The following PLPPR1 variants were observed in gnomAD, a reference collection of about 807,000 sequenced individuals.
The protein encoded by PLPPR1 is phospholipid phosphatase related 1, also known as phospholipid phosphatase-related protein type 1.
A neutral mutation model predicts 33.1 loss-of-function variants in PLPPR1; 10 were observed. That is an observed-to-expected ratio of 0.30 (90% CI 0.19 to 0.51). PLPPR1 has a LOEUF of 0.51. Among genes scored for constraint, PLPPR1 ranks in the 20% least tolerant of loss-of-function variants. The pLI, the probability that PLPPR1 is intolerant of heterozygous loss-of-function variation, is 0.97. For missense variants in PLPPR1, 304 were observed against 408.1 expected (o/e 0.74, Z 2.20); for synonymous variants, 151 against 151.0 (o/e 1.00, Z 0.00).
intron 4 of PLPPR1, among the ~76,000 whole-genome samples, chr9:101,295,125 A>G (rs1249224694): frequency 2.0e-5 from 3 of 151,876 alleles, no homozygotes; most frequent in Non-Finnish European, 2.9e-5. Context: ...AAATCAATGT[A>G]CAAAAATCAC....
chr9:101,236,536 T>TCACACA (rs60508436), intron 2 of PLPPR1, among the ~76,000 whole-genome samples: 7,513 of 148,656 alleles, frequency 0.051, 376 homozygotes, highest in African/African-American at 0.13. Context: ...CTCTCTAAAC[T>TCACACA]CACACACACA....
chr9:101,284,221 G>C (rs1179237313), intron 3 of PLPPR1, among the ~76,000 whole-genome samples: 1 of 152,128 alleles, frequency 6.6e-6, no homozygotes, highest in Non-Finnish European at 1.5e-5. Context: ...CAATAGCCAA[G>C]ATATGGAATC....
chr9:101,217,806 T>C (rs1826833695), intron 2 of PLPPR1, among the ~76,000 whole-genome samples: 1 of 152,118 alleles, frequency 6.6e-6, no homozygotes, highest in Non-Finnish European at 1.5e-5. Context: ...TCTTAAACAA[T>C]TGCCTATTAA....
At chr9:101,040,332 T>G (rs1830061371) in intron 1 of PLPPR1, among the ~76,000 whole-genome samples, 1 of 152,200 alleles carries the variant, frequency 6.6e-6, no homozygotes, top group African/African-American at 2.4e-5. Context: ...GTGTGAATGT[T>G]AAGAATCCCA....
At chr9:101,053,344 C>A (rs1427774479) in intron 1 of PLPPR1, among the ~76,000 whole-genome samples, 1 of 152,186 alleles carries the variant, frequency 6.6e-6, no homozygotes, top group African/African-American at 2.4e-5. Context: ...TCATACTTCT[C>A]CATTCCCATC....
intron 1 of PLPPR1, among the ~76,000 whole-genome samples, chr9:101,109,269 C>A (rs544839145): frequency 6.6e-6 from 1 of 151,544 alleles, no homozygotes; most frequent in Non-Finnish European, 1.5e-5. Flanking sequence ...CCACCGCGCC[C>A]GACTGGTCCT....
At chr9:101,098,123 G>A (rs1830844059) in intron 1 of PLPPR1, among the ~76,000 whole-genome samples, 1 of 152,066 alleles carries the variant, frequency 6.6e-6, no homozygotes, top group Admixed American at 6.6e-5. Flanking sequence ...ATATCACTCT[G>A]GAGGCCGAGT....
chr9:101,250,073 A>C (rs1027260285), intron 2 of PLPPR1, among the ~76,000 whole-genome samples: 1 of 152,056 alleles, frequency 6.6e-6, no homozygotes, highest in Non-Finnish European at 1.5e-5. Flanking sequence ...ATGTTTTTTA[A>C]ATGACTGCAT....
chr9:101,307,067 G>T (rs375904779), intron 4 of PLPPR1, among the ~76,000 whole-genome samples: 1 of 152,346 alleles, frequency 6.6e-6, no homozygotes, highest in East Asian at 1.9e-4. Context: ...CCTGAAGCTG[G>T]ATCAAATGCA....
intron 1 of PLPPR1, among the ~76,000 whole-genome samples, chr9:101,124,338 T>C (rs1831218000): frequency 6.6e-6 from 1 of 152,170 alleles, no homozygotes; most frequent in African/African-American, 2.4e-5. Context: ...CCTGCCTAAC[T>C]GTTCAGTTCT....
chr9:101,179,564 A>G (rs1826068025), intron 1 of PLPPR1, among the ~76,000 whole-genome samples: 2 of 152,080 alleles, frequency 1.3e-5, no homozygotes, highest in South Asian at 2.1e-4. Context: ...AACTTTATGT[A>G]TTTGGGTTGG....
At chr9:101,180,274 C>A (rs13293148) in intron 1 of PLPPR1, among the ~76,000 whole-genome samples, 55,052 of 148,512 alleles carry the variant, frequency 0.37, 10,773 homozygotes, top group Non-Finnish European at 0.42. Flanking sequence ...CTGGAAAACC[C>A]TGATTAATAC....
chr9:101,229,473 T>G, intron 2 of PLPPR1, among the ~76,000 whole-genome samples: 1 of 152,172 alleles, frequency 6.6e-6, no homozygotes, highest in Non-Finnish European at 1.5e-5. Context: ...TCATCAAATG[T>G]TTAATCATTC....
At chr9:101,287,538 C>T (rs1828414634) in intron 4 of PLPPR1, among the ~76,000 whole-genome samples, 2 of 152,216 alleles carry the variant, frequency 1.3e-5, no homozygotes, top group South Asian at 2.1e-4. Context: ...GTCTTGCTCT[C>T]TCCCCAGGCT....
At chr9:101,188,612 T>C (rs1826244354) in intron 2 of PLPPR1, among the ~76,000 whole-genome samples, 1 of 152,150 alleles carries the variant, frequency 6.6e-6, no homozygotes, top group African/African-American at 2.4e-5. Context: ...TGTTTTACTA[T>C]TGAATTATGA....
At chr9:101,210,798 CG>C (rs1350534480) in intron 2 of PLPPR1, among the ~76,000 whole-genome samples, 11 of 152,162 alleles carry the variant, frequency 7.2e-5, no homozygotes, top group African/African-American at 2.2e-4. Context: ...GACGGAGTCT[CG>C]CTCTGTCGCC....
chr9:101,190,765 T>C (rs1263222383), intron 2 of PLPPR1, among the ~76,000 whole-genome samples: 1 of 152,088 alleles, frequency 6.6e-6, no homozygotes, highest in East Asian at 1.9e-4. Flanking sequence ...CTGGTAATCC[T>C]TGAATTTCTT....
chr9:101,053,503 T>C (rs1423527492), intron 1 of PLPPR1, among the ~76,000 whole-genome samples: 1 of 152,230 alleles, frequency 6.6e-6, no homozygotes, highest in African/African-American at 2.4e-5. Flanking sequence ...CCTTGAATTT[T>C]ATGTCCTCTG....
chr9:101,092,630 C>T (rs900379016), intron 1 of PLPPR1, among the ~76,000 whole-genome samples: 2 of 152,112 alleles, frequency 1.3e-5, no homozygotes, highest in African/African-American at 4.8e-5. Context: ...TTGCACCCTG[C>T]GTCCTGTCTC....
Sources: gnomAD v4.1 joint callset for allele counts (sites outside exome capture counted in the v4.1 genomes callset) on GRCh38, gnomAD v4.1.1 for gene constraint, MANE v1.5 for transcripts, NCBI Gene and HGNC (gene_info 2026-07-23, HGNC 2026-07-21) for gene names.